Variants in DPY19L4 observed in about 807,000 individuals in gnomAD.
DPY19L4 encodes dpy-19 like 4, also known as probable C-mannosyltransferase DPY19L4.
A neutral mutation model predicts 102.8 loss-of-function variants in DPY19L4; 97 were observed. The ratio of observed to expected loss-of-function variants is 0.94; its 90% confidence interval spans 0.80 to 1.12. The LOEUF (loss-of-function observed/expected upper bound fraction) is 1.12. DPY19L4 is among the 50% of genes most tolerant of loss of function. The pLI is 0.00. For synonymous variants in DPY19L4, 252 were observed against 283.1 expected (o/e 0.89, Z 1.10); for missense variants, 815 against 850.4 (o/e 0.96, Z 0.52).
intron 2 of DPY19L4, among the ~76,000 whole-genome samples, chr8:94,733,732 G>A (rs1269388735): frequency 2.0e-5 from 3 of 151,920 alleles, no homozygotes; most frequent in African/African-American, 4.8e-5. Context: ...AGTACAGACA[G>A]GGTTTCACCA....
At chr8:94,775,529 GT>G (rs1214417941) in intron 13 of DPY19L4, among the ~76,000 whole-genome samples, 1 of 152,152 alleles carries the variant, frequency 6.6e-6, no homozygotes, top group Non-Finnish European at 1.5e-5. Context: ...GTCTAATTGT[GT>G]TGCCCAGGCT....
At chr8:94,738,491 A>G in intron 4 of DPY19L4, 32 bp downstream of exon 4, 2 of 1,326,742 alleles carry the variant, frequency 1.5e-6, no homozygotes, top group Non-Finnish European at 2.0e-6. Context: ...TTTTAATAAC[A>G]GTATTTTCCT....
At chr8:94,763,139 G>C (rs1812468728) in intron 8 of DPY19L4, among the ~76,000 whole-genome samples, 1 of 151,516 alleles carries the variant, frequency 6.6e-6, no homozygotes, top group Non-Finnish European at 1.5e-5. Context: ...AGTAGAGACA[G>C]AGTTTCACCA....
chr8:94,740,319 A>G (rs1305793288), intron 6 of DPY19L4, among the ~76,000 whole-genome samples: 1 of 152,074 alleles, frequency 6.6e-6, no homozygotes, highest in Non-Finnish European at 1.5e-5. Flanking sequence ...TTTTTTATTC[A>G]TCCTAATCCT....
At chr8:94,733,728 GAC>G (rs1234781458) in intron 2 of DPY19L4, among the ~76,000 whole-genome samples, 4 of 151,792 alleles carry the variant, frequency 2.6e-5, no homozygotes, top group African/African-American at 9.7e-5. Context: ...TTTTAGTACA[GAC>G]AGGGTTTCAC....
chr8:94,784,010 T>A (rs1813547169), intron 17 of DPY19L4, among the ~76,000 whole-genome samples: 1 of 152,250 alleles, frequency 6.6e-6, no homozygotes, highest in Non-Finnish European at 1.5e-5. Context: ...TTCTTTGTTT[T>A]ATGAATAATA....
intron 1 of DPY19L4, among the ~76,000 whole-genome samples, chr8:94,721,221 C>G (rs1445670233): frequency 2.0e-5 from 3 of 152,230 alleles, no homozygotes; most frequent in Non-Finnish European, 4.4e-5. Context: ...GCTGGGATTA[C>G]AGGCGTGAGC....
At chr8:94,770,227 AGTTT>A (rs2130901807) in intron 12 of DPY19L4, among the ~76,000 whole-genome samples, 1 of 152,144 alleles carries the variant, frequency 6.6e-6, no homozygotes, top group East Asian at 1.9e-4. Context: ...GTCTTCATAG[AGTTT>A]GTTGTCTTCA....
At chr8:94,780,256 T>C in intron 14 of DPY19L4, 103 bp from the exon 15 acceptor site, 1 of 886,016 alleles carries the variant, frequency 1.1e-6, no homozygotes, top group Non-Finnish European at 1.6e-6. Context: ...GAAATTTGTA[T>C]AACTATAGAG....
At chr8:94,776,494 T>C (rs933281913) in intron 13 of DPY19L4, among the ~76,000 whole-genome samples, 2 of 151,268 alleles carry the variant, frequency 1.3e-5, no homozygotes, top group African/African-American at 4.9e-5. Context: ...GCTTGGGCCA[T>C]ATATCTACAT....
At chr8:94,773,766 C>T (rs1446265389) in intron 13 of DPY19L4, among the ~76,000 whole-genome samples, 2 of 150,424 alleles carry the variant, frequency 1.3e-5, no homozygotes, top group East Asian at 2.0e-4. Context: ...CTGGGTGTGG[C>T]GGCTTACGCC....
intron 10 of DPY19L4, among the ~76,000 whole-genome samples, chr8:94,766,011 A>G (rs1812656742): frequency 6.6e-6 from 1 of 152,248 alleles, no homozygotes; most frequent in African/African-American, 2.4e-5. Context: ...AAGGGAATGC[A>G]TATTTTTCAT....
chr8:94,737,758 G>A (rs761051007), intron 3 of DPY19L4, among the ~76,000 whole-genome samples: 1 of 149,788 alleles, frequency 6.7e-6, no homozygotes, highest in Non-Finnish European at 1.5e-5. Context: ...ACTCTAGCCT[G>A]GGCAACAGAG....
chr8:94,782,479 A>G (rs1259446595), intron 16 of DPY19L4, among the ~76,000 whole-genome samples: 1 of 142,056 alleles, frequency 7.0e-6, no homozygotes, highest in East Asian at 1.9e-4. Context: ...GACCATGACC[A>G]TAGGGAGAGG....
At chr8:94,720,853 G>A (rs991517838) in intron 1 of DPY19L4, among the ~76,000 whole-genome samples, 4 of 152,102 alleles carry the variant, frequency 2.6e-5, no homozygotes, top group Non-Finnish European at 5.9e-5. Flanking sequence ...GAAGCAATTA[G>A]ATTTTTGCAT....
At chr8:94,771,883 A>G (rs915499866) in intron 13 of DPY19L4, among the ~76,000 whole-genome samples, 1 of 152,174 alleles carries the variant, frequency 6.6e-6, no homozygotes, top group African/African-American at 2.4e-5. Context: ...TACAAAATAT[A>G]TATATAGGGC....
chr8:94,764,689 G>GTGTATATATATATA (rs1415377058), intron 8 of DPY19L4, among the ~76,000 whole-genome samples: 3 of 43,212 alleles, frequency 6.9e-5, no homozygotes, highest in African/African-American at 3.4e-4. Flanking sequence ...GTCTGTGTGT[G>GTGTATATATATATA]TATATATATA....
At position 94,770,645 on chromosome 8, in the gene DPY19L4, C is replaced by A. The variant is rs1245757190; in HGVS notation, c.1454+74C>A. ...GAGTGCGGTGACTCACACCTGTAAT[C>A]CCAGCACTTTGGGAGGCCAAGGCGG... On this transcript the variant is annotated intron_variant, in intron 13 of 18. Transcript: ENST00000414645. The A allele has an allele frequency of 3.1e-6, 5 of 1,587,338 alleles. No individual in the cohort carries two copies. The African/African-American group carries it at 5.4e-5, about 17-fold the overall frequency.
chr8:94,770,637 C>A (rs1812887447), intron 13 of DPY19L4, 66 bp downstream of exon 13: 1 of 1,593,584 alleles, frequency 6.3e-7, no homozygotes, highest in Non-Finnish European at 8.5e-7. Flanking sequence ...GTGACTCACA[C>A]CTGTAATCCC....
Sources: allele counts gnomAD v4.1 joint callset (sites outside exome capture counted in the v4.1 genomes callset), GRCh38; gene constraint gnomAD v4.1.1; transcripts MANE v1.5; gene names NCBI Gene and HGNC (gene_info 2026-07-23, HGNC 2026-07-21).